Variants in CCDC180 observed in about 807,000 individuals in gnomAD.
The protein encoded by CCDC180 is coiled-coil domain-containing protein 180.
A neutral mutation model predicts 209.2 loss-of-function variants in CCDC180; 154 were observed. The ratio of observed to expected loss-of-function variants is 0.74; its 90% CI spans 0.65 to 0.84. The LOEUF (loss-of-function observed/expected upper bound fraction) is 0.84. Ranked by LOEUF, CCDC180 falls within the 40% of genes least tolerant of loss-of-function variation. The pLI, the probability that CCDC180 is intolerant of heterozygous loss-of-function variation, is 0.00. For missense variants in CCDC180, 1,874 were observed against 1,997.3 expected (o/e 0.94, Z 1.18); for synonymous variants, 778 against 749.1 (o/e 1.04, Z -0.63).
intron 12 of CCDC180, 50 bp from the exon 13 acceptor site, chr9:97,323,731 G>C (rs1351637522): frequency 6.6e-7 from 1 of 1,526,208 alleles, no homozygotes; most frequent in Admixed American, 2.0e-5. Flanking sequence ...GCTGATGCCT[G>C]TGGGGACCTC....
intron 25 of CCDC180, among the ~76,000 whole-genome samples, chr9:97,359,536 A>T (rs1826689237): frequency 6.6e-6 from 1 of 152,076 alleles, no homozygotes; most frequent in African/African-American, 2.4e-5. Context: ...TGCGTGTTAG[A>T]CATTGCCATG....
Position 97,366,848 on chromosome 9 carries a change from A to G in CCDC180, c.4189+148A>G, listed in dbSNP as rs933396845. ...AAAAGCTGACCTCTTAAAATTAGGT[A>G]AAAACAATAATCAGATTTTACTGGG... On this transcript the variant is annotated intron_variant, in intron 31 of 36. Transcript: ENST00000529487. This position sits in a 1 kb window ranked among gnomAD's most constrained non-coding sequence, Gnocchi z 4.3. 2 of 808,716 alleles carry G rather than the reference A, an allele frequency of 2.5e-6. No homozygotes were observed. The highest frequency in any genetic ancestry group is 1.7e-5 in the African/African-American group (1 of 57,408). The allele number at this position is 808,716 out of a possible 1,614,324, so 50.1% of individuals were successfully genotyped here. A position where few individuals can be genotyped will look rare whatever the true frequency, so the allele number is the denominator to read the frequency against.
At chr9:97,312,994 A>G (rs922652267) in intron 4 of CCDC180, among the ~76,000 whole-genome samples, 23 of 152,198 alleles carry the variant, frequency 1.5e-4, no homozygotes, top group African/African-American at 5.3e-4. Context: ...TTTTAAAAAA[A>G]CATTCTGTGC....
chr9:97,319,217 A>G (rs986027331), intron 10 of CCDC180, among the ~76,000 whole-genome samples: 71 of 152,192 alleles, frequency 4.7e-4, no homozygotes, highest in Admixed American at 4.6e-3. Context: ...TGATGGGTTA[A>G]TAGGTACAGC....
chr9:97,360,735 C>G (rs1400880661), intron 26 of CCDC180, among the ~76,000 whole-genome samples: 1 of 152,122 alleles, frequency 6.6e-6, no homozygotes, highest in Non-Finnish European at 1.5e-5. Flanking sequence ...TCTCCCGGCC[C>G]ATAGCACCTC....
Position 97,318,524 on chromosome 9 carries a change from A to C in CCDC180, c.1021A>C (p.Met341Leu). Residue 341 changes from methionine to leucine, a missense_variant, in exon 10 of 37, where the codon ATG (methionine) becomes CTG (leucine). Met to Leu is a conservative substitution (Grantham distance 15). Transcript: ENST00000529487. ...PPAVTKELEV[M>L]LKTQNVLQQR... is the part of the protein sequence containing the mutation. ...GGCTGTGACGAAGGAGCTAGAGGTCATGCTGAAGACCCAGAACGTCCTGCA... is the reference window on the plus strand; with the variant it reads ...GGCTGTGACGAAGGAGCTAGAGGTCCTGCTGAAGACCCAGAACGTCCTGCA... The C allele has an allele frequency of 6.2e-7, 1 of 1,613,830 alleles. No individual in the cohort carries two copies. The highest frequency in any genetic ancestry group is 1.1e-5 in the South Asian group (1 of 91,088).
intron 7 of CCDC180, 47 bp from the exon 8 acceptor site, chr9:97,314,804 G>A: frequency 6.2e-7 from 1 of 1,601,962 alleles, no homozygotes; most frequent in Non-Finnish European, 8.6e-7. Flanking sequence ...TTTCCTTTTA[G>A]TTCTCCAGGA....
At position 97,318,495 on chromosome 9, in the gene CCDC180, C is replaced by T. The variant is rs1256020450; in HGVS notation, c.992C>T (p.Pro331Leu). ...ATGGCCAGTGAGAGTATCCATACTC[C>T]CCCGGCTGTGACGAAGGAGCTAGAG... is the stretch of plus-strand genomic sequence containing the variant. ...EFMASESIHT[P>L]PAVTKELEVM... Residue 331 changes from proline to leucine, a missense_variant, in exon 10 of 37, where the codon CCC (proline) becomes CTC (leucine). Coordinates refer to ENST00000529487, the MANE Select transcript of CCDC180 (RefSeq NM_020893.6). 7 of 1,613,666 alleles carry T rather than the reference C, an allele frequency of 4.3e-6. No homozygotes were observed. Among genetic ancestry groups the T allele is most frequent in the Admixed American group, 1.7e-5 (1 of 59,994 alleles).
In CCDC180 at chr9:97,317,156, G is replaced by A; in HGVS notation, c.887G>A (p.Ser296Asn). The A allele has an allele frequency of 1.2e-6, 2 of 1,613,206 alleles. No homozygotes were observed. Among genetic ancestry groups the A allele is most frequent in the Non-Finnish European group, 1.7e-6 (2 of 1,179,708 alleles). Residue 296 changes from serine (S) to asparagine (N), a missense_variant, in exon 9 of 37, where the codon AGC becomes AAC. Transcript: ENST00000529487. ...MESTLQQELD[S>N]RHRWQGLVDT... ...TCCACCCTGCAGCAGGAGCTGGACA[G>A]CCGCCACCGCTGGCAAGGCTTGGTG...
intron 16 of CCDC180, 56 bp from the exon 17 acceptor site, chr9:97,330,098 G>T (rs935359083): frequency 7.8e-7 from 1 of 1,286,216 alleles, no homozygotes; most frequent in Non-Finnish European, 1.1e-6. Context: ...AAGGTGGGGG[G>T]CACTCTGAAG....
rs773275194 is a variant in CCDC180, at chr9:97,312,096, C to T, written c.261-17C>T. The T allele has an allele frequency of 6.2e-7, 1 of 1,611,894 alleles. No individual in the cohort carries two copies. Among genetic ancestry groups the T allele is most frequent in the East Asian group, 2.2e-5 (1 of 44,862 alleles). ...CATCAGGAGCTGGGACTTCACTCTT[C>T]TCTGCTTGTGTCTCAGGGAAAAGGA... On this transcript the variant is annotated splice_polypyrimidine_tract_variant and intron_variant, in intron 3 of 36. Transcript: ENST00000529487.
intron 25 of CCDC180, among the ~76,000 whole-genome samples, chr9:97,358,975 CAT>C (rs2118856789): frequency 6.6e-6 from 1 of 152,322 alleles, no homozygotes; most frequent in South Asian, 2.1e-4. Context: ...ACCCACAAAG[CAT>C]AGTTTGCAGA....
chr9:97,347,475 A>G lies in CCDC180; in HGVS notation c.2660A>G (p.His887Arg). 4.6e-6 allele frequency: 7 copies of G among 1,536,110 alleles called. No homozygotes were observed. The highest frequency in any genetic ancestry group is 6.1e-6 in the Non-Finnish European group (7 of 1,146,896). ...PRAQQIEKDI[H>R]NVRAAELLLH... ...GCCCAGCAGATTGAAAAAGACATCC[A>G]CAACGTCAGGGCAGGTACAGATGCT... The change falls in exon 20 of 37, where the codon CAC becomes CGC. Residue 887 changes from histidine (H) to arginine (R), a missense_variant. His to Arg is a conservative substitution (Grantham distance 29). Transcript: ENST00000529487.
chr9:97,323,035 C>G (rs1833408897), intron 12 of CCDC180, 114 bp downstream of exon 12: 2 of 744,672 alleles, frequency 2.7e-6, no homozygotes, highest in East Asian at 5.4e-5. Context: ...CACTTCACAC[C>G]CACACACCCT....
At chr9:97,317,735 T>C (rs1365061038) in intron 9 of CCDC180, among the ~76,000 whole-genome samples, 1 of 152,130 alleles carries the variant, frequency 6.6e-6, no homozygotes, top group Non-Finnish European at 1.5e-5. Flanking sequence ...CAAGTGTCAC[T>C]TTTGCTGTGG....
In CCDC180 at chr9:97,340,897, C is replaced by T. The variant is rs138913450; in HGVS notation, c.2275-2443C>T. Among the ~76,000 whole-genome samples, 986 of 152,316 alleles carry T rather than the reference C, an allele frequency of 6.5e-3. 14 individuals are homozygous for T. The highest frequency in any genetic ancestry group is 0.023 in the African/African-American group (958 of 41,560). ...AGGCTTGCCCACAGTTATCCGGAGG[C>T]CTAACCGTCTCCCTGTGATGCTGTG... On this transcript the variant is annotated intron_variant, in intron 18 of 36. Transcript: ENST00000529487.
chr9:97,324,187 A>G (rs1833450908), intron 13 of CCDC180, among the ~76,000 whole-genome samples: 1 of 152,154 alleles, frequency 6.6e-6, no homozygotes, highest in Non-Finnish European at 1.5e-5. Context: ...TGGAGGCACA[A>G]TAAGCCCCCA....
chr9:97,369,952 A>G lies in CCDC180; in HGVS notation c.4220A>G (p.Glu1407Gly), dbSNP rs760831282. ...ELRIQIRRFE[E>G]LLPQVCWLVM... ...CGGATCCAGATCAGGAGATTTGAGGAGCTGCTGCCCCAAGTGTGTTGGCTG... is the reference window on the plus strand; with the variant it reads ...CGGATCCAGATCAGGAGATTTGAGGGGCTGCTGCCCCAAGTGTGTTGGCTG... The change falls in exon 32 of 37, where the codon GAG (glutamate) becomes GGG (glycine). Residue 1407 changes from glutamate to glycine, a missense_variant. Transcript: ENST00000529487. 6.2e-7 allele frequency: 1 copy of G among 1,614,048 alleles called. No homozygotes were observed. The highest frequency in any genetic ancestry group is 1.3e-5 in the African/African-American group (1 of 74,920).
Position 97,367,869 on chromosome 9 carries a change from T to G in CCDC180, c.4189+1169T>G, listed in dbSNP as rs887788110. On this transcript the variant is annotated intron_variant, in intron 31 of 36. Coordinates refer to ENST00000529487, the MANE Select transcript of CCDC180 (RefSeq NM_020893.6). ...TTAAGTTCCTCACACAGACTTGGCA[T>G]GTACAGGGAATTAAGCAGCGATAGT... 5.9e-5 allele frequency among the ~76,000 whole-genome samples: 9 copies of G among 152,278 alleles called. No individual in the cohort carries two copies. In the South Asian group the frequency reaches 6.2e-4, roughly 11 times the overall value.
Sources: gnomAD v4.1 joint callset for allele counts (sites outside exome capture counted in the v4.1 genomes callset) on GRCh38, gnomAD v4.1.1 for gene constraint, Gnocchi (gnomAD v3.1) non-coding constraint, MANE v1.5 for transcripts, NCBI Gene and HGNC (gene_info 2026-07-23, HGNC 2026-07-21) for gene names.